The following ZC3H14 variants were observed in gnomAD, a reference collection of about 807,000 sequenced individuals.
The protein encoded by ZC3H14 is zinc finger CCCH-type containing 14.
In ZC3H14, 31 loss-of-function variants were observed where a neutral mutation model predicts 92.4. That is an observed-to-expected ratio of 0.34 (90% CI 0.25 to 0.45). The LOEUF (loss-of-function observed/expected upper bound fraction) is 0.45. ZC3H14 is among the 20% of genes least tolerant of loss of function. The probability of loss-of-function intolerance (pLI) is 1.00; values close to 1 mark genes in which losing one functional copy is unlikely to be tolerated. For synonymous variants in ZC3H14, 321 were observed against 300.9 expected, an observed-to-expected ratio of 1.07 and a Z score of -0.69; for missense variants, 781 against 897.3, an observed-to-expected ratio of 0.87 and a Z score of 1.66.
intron 10 of ZC3H14, among the ~76,000 whole-genome samples, chr14:88,598,063 C>G (rs1303660241): frequency 1.3e-5 from 2 of 151,756 alleles, no homozygotes. Context: ...GACATTTTTC[C>G]CCTCCCTGCT....
rs2087770475 is a variant in ZC3H14 at position 88,617,153 on chromosome 14, T to C, written c.*5402T>C. ...AAAACTGATAGAACTATTTTTTCTTTTTTTTTTTTTGAGACGGAGTTTTCG... is the reference window on the plus strand; with the variant it reads ...AAAACTGATAGAACTATTTTTTCTTCTTTTTTTTTTGAGACGGAGTTTTCG... On this transcript the variant is annotated 3_prime_UTR_variant, in exon 17 of 17. Coordinates refer to ENST00000251038, the MANE Select transcript of ZC3H14 (RefSeq NM_024824.5). 4.6e-6 allele frequency: 1 copy of C among 217,098 alleles called. No individual in the cohort carries two copies. The highest frequency in any genetic ancestry group is 9.1e-6 in the Non-Finnish European group (1 of 109,454). The allele number at this position is 217,098 out of a possible 1,614,324, so 13.4% of individuals were successfully genotyped here.
chr14:88,576,620 A>G (rs936062664), intron 8 of ZC3H14, among the ~76,000 whole-genome samples: 4 of 152,184 alleles, frequency 2.6e-5, no homozygotes, highest in Admixed American at 1.3e-4. Context: ...GTTGTAGCCA[A>G]TGTGTAAACT....
chr14:88,596,880 A>G, intron 10 of ZC3H14, 72 bp downstream of exon 10: 1 of 1,271,398 alleles, frequency 7.9e-7, no homozygotes, highest in Admixed American at 1.7e-5. Flanking sequence ...CACCCCATTT[A>G]ACGTATCTCG....
At chr14:88,610,290 C>T (rs768792120) in intron 15 of ZC3H14, among the ~76,000 whole-genome samples, 36 of 152,170 alleles carry the variant, frequency 2.4e-4, no homozygotes, top group Non-Finnish European at 3.7e-4. Context: ...TGTAACTGGG[C>T]GTAGATGAGG....
Position 88,616,223 on chromosome 14 carries a change from A to G in ZC3H14, c.*4472A>G, listed in dbSNP as rs751870520. The stretch of plus-strand genomic sequence containing the variant: ...ATTTGTCACATGGGGCGAATGACCC[A>G]AGAACCTTTTGTGTTTTGCCTAAAA... On this transcript the variant is annotated 3_prime_UTR_variant, in exon 17 of 17. Coordinates refer to ENST00000251038, the MANE Select transcript of ZC3H14 (RefSeq NM_024824.5). 2 of 1,613,920 alleles carry G rather than the reference A, an allele frequency of 1.2e-6. No individual in the cohort carries two copies.
At chr14:88,594,430 T>C in intron 9 of ZC3H14, 2 of 1,212,588 alleles carry the variant, frequency 1.6e-6, no homozygotes, top group East Asian at 4.7e-5. Context: ...ATACAGATGG[T>C]ACTTAGAGGA....
intron 9 of ZC3H14, among the ~76,000 whole-genome samples, chr14:88,578,948 G>T (rs1386805009): frequency 1.3e-5 from 2 of 151,186 alleles, no homozygotes; most frequent in Non-Finnish European, 2.9e-5. Context: ...TGGACTTTTG[G>T]TGTCTGTTAT....
At chr14:88,587,901 A>C (rs1595666972) in intron 9 of ZC3H14, among the ~76,000 whole-genome samples, 1 of 152,268 alleles carries the variant, frequency 6.6e-6, no homozygotes, top group East Asian at 1.9e-4. Flanking sequence ...TGATTGTGCC[A>C]GCCTGGGTGA....
chr14:88,622,414 T>G lies in ZC3H14; in HGVS notation c.*10663T>G, dbSNP rs2089162657. 2 of 442,654 alleles carry G rather than the reference T, an allele frequency of 4.5e-6. No individual in the cohort carries two copies. Among genetic ancestry groups the G allele is most frequent in the Non-Finnish European group, 7.9e-6 (2 of 253,184 alleles). The allele number at this position is 442,654 out of a possible 1,614,324, so 27.4% of individuals were successfully genotyped here. Reference sequence around the variant, plus strand: ...ACATACAGTATTTAGACAGAATAGCTTCCTAGCTTATGCACCACACTGGTG... The same window carrying G: ...ACATACAGTATTTAGACAGAATAGCGTCCTAGCTTATGCACCACACTGGTG... On this transcript the variant is annotated 3_prime_UTR_variant, in exon 17 of 17. Coordinates refer to ENST00000251038, the MANE Select transcript of ZC3H14 (RefSeq NM_024824.5).
chr14:88,585,803 A>T (rs1229368552), intron 9 of ZC3H14, among the ~76,000 whole-genome samples: 1 of 152,184 alleles, frequency 6.6e-6, no homozygotes, highest in East Asian at 1.9e-4. Context: ...ACTTTTGAAT[A>T]CCTATGAAGA....
rs2080621665 is a variant in ZC3H14, at chr14:88,572,869, T to A, written c.723T>A (p.Ile241=). The change falls in exon 6 of 17, where the codon ATT becomes ATA. Residue 241 remains isoleucine, a synonymous_variant. Transcript: ENST00000251038. ...AATTTCAACAGCAGCAGAATAGTAT[T>A]CATGCTGCCAAGCAGCTTGATATGC... ...RLQFQQQQNS[I]HAAKQLDMQS... The A allele has an allele frequency of 6.2e-7, 1 of 1,614,086 alleles. No homozygotes were observed.
Position 88,567,202 on chromosome 14 carries a change from G to A in ZC3H14, c.80-837G>A, listed in dbSNP as rs138510172. 5.9e-3 allele frequency among the ~76,000 whole-genome samples: 885 copies of A among 150,450 alleles called. 10 individuals are homozygous for A. The highest frequency in any genetic ancestry group is 0.055 in the South Asian group (263 of 4,780). Reference sequence around the variant, plus strand: ...AGGATCTGAGCGCACTGCAAGCTCCGCCTCCTGGGTTCACACCATTCTCCT... The same window carrying A: ...AGGATCTGAGCGCACTGCAAGCTCCACCTCCTGGGTTCACACCATTCTCCT... On this transcript the variant is annotated intron_variant, in intron 2 of 16. Coordinates refer to ENST00000251038, the MANE Select transcript of ZC3H14 (RefSeq NM_024824.5).
chr14:88,618,629 T>C lies in ZC3H14; in HGVS notation c.*6878T>C, dbSNP rs2088198849. ...AAAGCAGAAGAACTTGCCACCTGGG[T>C]ATACAGTATTGGTACTGTACCTGGA... On this transcript the variant is annotated 3_prime_UTR_variant, in exon 17 of 17. Transcript: ENST00000251038. 3 of 1,595,636 alleles carry C rather than the reference T, an allele frequency of 1.9e-6. No individual in the cohort carries two copies. The highest frequency in any genetic ancestry group is 2.3e-5 in the South Asian group (2 of 87,320).
intron 9 of ZC3H14, among the ~76,000 whole-genome samples, chr14:88,588,113 G>T (rs2082676002): frequency 6.6e-6 from 1 of 151,532 alleles, no homozygotes; most frequent in Non-Finnish European, 1.5e-5. Context: ...TAGCCTAAAA[G>T]TCTTATCACT....
intron 4 of ZC3H14, 129 bp from the exon 5 acceptor site, chr14:88,571,901 T>C (rs2080458395): frequency 1.6e-6 from 1 of 637,032 alleles, no homozygotes; most frequent in African/African-American, 1.9e-5. Context: ...GATTTGGAGG[T>C]TGCAGGGAGC....
chr14:88,598,478 C>T (rs992052213), intron 10 of ZC3H14, among the ~76,000 whole-genome samples: 1 of 152,248 alleles, frequency 6.6e-6, no homozygotes, highest in Non-Finnish European at 1.5e-5. Context: ...CAACCATTGT[C>T]AGTCCAGTAC....
intron 9 of ZC3H14, among the ~76,000 whole-genome samples, chr14:88,592,848 C>G (rs1312645041): frequency 6.6e-6 from 1 of 152,142 alleles, no homozygotes. Context: ...TACCAACTTG[C>G]ATCCTTGTAT....
Position 88,626,070 on chromosome 14 carries a change from T to C in ZC3H14, c.*14319T>C, listed in dbSNP as rs2094359075. 6.6e-6 allele frequency: 1 copy of C among 152,164 alleles called. No homozygotes were observed. Among genetic ancestry groups the C allele is most frequent in the African/African-American group, 2.4e-5 (1 of 41,438 alleles). The allele number at this position is 152,164 out of a possible 1,614,324, so 9.4% of individuals were successfully genotyped here. Reference sequence around the variant, plus strand: ...TCTGTCTCACTACCTCCTTCTTCCCTCGAAGTAGAGACACTGGCCCAGAGC... The same window carrying C: ...TCTGTCTCACTACCTCCTTCTTCCCCCGAAGTAGAGACACTGGCCCAGAGC... On this transcript the variant is annotated 3_prime_UTR_variant, in exon 17 of 17. Transcript: ENST00000251038.
chr14:88,608,012 G>GAGTACCATCCCCTATCTCACCTTGCA, intron 13 of ZC3H14: 1 of 209,594 alleles, frequency 4.8e-6, no homozygotes, highest in South Asian at 2.9e-5. Flanking sequence ...CCCTGCAAGT[G>GAGTACCATCCCCTATCTCACCTTGCA]AGTACCATCC....
Sources: allele counts gnomAD v4.1 joint callset (sites outside exome capture counted in the v4.1 genomes callset), GRCh38; gene constraint gnomAD v4.1.1; transcripts MANE v1.5; gene names NCBI Gene and HGNC (gene_info 2026-07-23, HGNC 2026-07-21).